ERBB4: variants seen among roughly 807,000 people sequenced by gnomAD.
ERBB4 encodes receptor tyrosine-protein kinase erbB-4.
ERBB4 carries 42 observed loss-of-function variants against 158.0 expected under a neutral mutation model. That is an observed-to-expected ratio of 0.27 (90% CI 0.21 to 0.34). The LOEUF (loss-of-function observed/expected upper bound fraction) is 0.34, where lower values mean the gene tolerates loss of function less well. Ranked by LOEUF, ERBB4 falls within the 10% of genes least tolerant of loss-of-function variation. The pLI is 1.00. For synonymous variants in ERBB4, 583 were observed against 558.7 expected (o/e 1.04, Z -0.61); for missense variants, 1,333 against 1,624.1 (o/e 0.82, Z 3.08).
chr2:211,736,637 G>A (rs1025859288), intron 5 of ERBB4, among the ~76,000 whole-genome samples: 7 of 152,094 alleles, frequency 4.6e-5, no homozygotes, highest in African/African-American at 1.7e-4. Flanking sequence ...GAAGTTTTAG[G>A]ATTCTAGAGG....
intron 20 of ERBB4, among the ~76,000 whole-genome samples, chr2:211,520,992 C>T (rs2066171514): frequency 6.6e-6 from 1 of 152,058 alleles, no homozygotes; most frequent in Admixed American, 6.5e-5. Context: ...CCAATCTTTT[C>T]CCATCTGCTG....
chr2:211,561,404 C>G (rs1286215181), intron 20 of ERBB4, among the ~76,000 whole-genome samples: 1 of 152,216 alleles, frequency 6.6e-6, no homozygotes, highest in East Asian at 1.9e-4. Flanking sequence ...CATGCCTAAG[C>G]CTTTGTGTAA....
At chr2:212,123,202 G>C (rs1195112224) in intron 2 of ERBB4, among the ~76,000 whole-genome samples, 1 of 152,132 alleles carries the variant, frequency 6.6e-6, no homozygotes, top group East Asian at 1.9e-4. Context: ...AGGAGGTTGA[G>C]ACCATCCTGG....
intron 1 of ERBB4, among the ~76,000 whole-genome samples, chr2:212,254,690 T>A (rs1407432547): frequency 6.6e-6 from 1 of 152,146 alleles, no homozygotes; most frequent in Non-Finnish European, 1.5e-5. Context: ...ATGGGAAAAC[T>A]TCCTAACCTG....
intron 14 of ERBB4, among the ~76,000 whole-genome samples, chr2:211,669,681 T>G (rs1425559482): frequency 6.6e-6 from 1 of 152,172 alleles, no homozygotes; most frequent in Non-Finnish European, 1.5e-5. Context: ...TACCGTAAAT[T>G]TCTGTCATTT....
Position 211,992,666 on chromosome 2 carries a change from A to G in ERBB4, c.235-45050T>C, listed in dbSNP as rs548911631. Among the ~76,000 whole-genome samples the G allele has an allele frequency of 4.6e-5, 7 of 152,160 alleles. No homozygotes were observed. The South Asian group carries it at 1.2e-3, about 27-fold the overall frequency. ...GACTAGAATCTGCTCAAGCATTCCT[A>G]TGGACCCAGACTCTCCACTCTTCAG... On this transcript the variant is annotated intron_variant, in intron 2 of 27. Coordinates refer to ENST00000342788, the MANE Select transcript of ERBB4 (RefSeq NM_005235.3).
chr2:212,464,372 T>G (rs1399102723), intron 1 of ERBB4, among the ~76,000 whole-genome samples: 2 of 152,254 alleles, frequency 1.3e-5, no homozygotes, highest in East Asian at 1.9e-4. Flanking sequence ...ATGGTTCCAT[T>G]CCGGTAGAAT....
intron 3 of ERBB4, among the ~76,000 whole-genome samples, chr2:211,844,790 AT>A (rs1476862838): frequency 1.3e-5 from 2 of 152,198 alleles, no homozygotes; most frequent in Non-Finnish European, 2.9e-5. Flanking sequence ...TTTAAATACA[AT>A]CTATTGAAAT....
intron 1 of ERBB4, among the ~76,000 whole-genome samples, chr2:212,411,238 A>AT (rs2091489065): frequency 6.6e-6 from 1 of 152,106 alleles, no homozygotes; most frequent in South Asian, 2.1e-4. Flanking sequence ...TCAAAGTTAC[A>AT]TTTTTCAGTG....
chr2:211,689,729 T>C (rs2072721489), intron 12 of ERBB4, among the ~76,000 whole-genome samples: 1 of 149,742 alleles, frequency 6.7e-6, no homozygotes, highest in Admixed American at 6.8e-5. Context: ...CATTTAGACA[T>C]TTAAAGGTTA....
chr2:212,068,908 G>C (rs2078025244), intron 2 of ERBB4, among the ~76,000 whole-genome samples: 1 of 151,990 alleles, frequency 6.6e-6, no homozygotes, highest in Non-Finnish European at 1.5e-5. Context: ...TTTTATCTAA[G>C]AACGTAAATA....
chr2:212,218,363 T>C (rs1256652545), intron 1 of ERBB4, among the ~76,000 whole-genome samples: 1 of 151,364 alleles, frequency 6.6e-6, no homozygotes, highest in African/African-American at 2.4e-5. Flanking sequence ...AACTCTATTC[T>C]TCAAAGAGTA....
At chr2:211,562,152 G>T in intron 19 of ERBB4, 64 bp from the exon 20 acceptor site, 1 of 1,374,292 alleles carries the variant, frequency 7.3e-7, no homozygotes, top group Non-Finnish European at 1.0e-6. Flanking sequence ...GAGTTACTTG[G>T]ATTGTACTAA....
intron 3 of ERBB4, among the ~76,000 whole-genome samples, chr2:211,840,875 C>CA (rs1271303410): frequency 6.6e-6 from 1 of 152,030 alleles, no homozygotes; most frequent in Non-Finnish European, 1.5e-5. Context: ...ATGGGGTATG[C>CA]AATTTAAACT....
intron 16 of ERBB4, among the ~76,000 whole-genome samples, chr2:211,636,116 TA>T (rs200202771): frequency 0.021 from 3,240 of 151,148 alleles, 113 homozygotes; most frequent in African/African-American, 0.073. Context: ...TGTGTTTTTT[TA>T]AAAAAAAAGT....
intron 1 of ERBB4, among the ~76,000 whole-genome samples, chr2:212,253,062 C>G (rs1014338421): frequency 7.9e-5 from 12 of 152,100 alleles, no homozygotes; most frequent in African/African-American, 2.7e-4. Context: ...TTATATATTA[C>G]ATGCTTCATT....
At chr2:211,414,961 A>G (rs1217443471) in intron 25 of ERBB4, among the ~76,000 whole-genome samples, 8 of 152,086 alleles carry the variant, frequency 5.3e-5, no homozygotes, top group African/African-American at 1.9e-4. Flanking sequence ...AATTTAAATC[A>G]CTTAGCATAG....
chr2:212,309,828 T>A (rs2086959995), intron 1 of ERBB4, among the ~76,000 whole-genome samples: 3 of 150,606 alleles, frequency 2.0e-5, no homozygotes, highest in Admixed American at 1.3e-4. Context: ...GTTGTGTTCT[T>A]ATTAATGACA....
At chr2:211,929,853 C>CATAAATATATAAATATATAAATACAT (rs2080126199) in intron 3 of ERBB4, among the ~76,000 whole-genome samples, 1 of 152,068 alleles carries the variant, frequency 6.6e-6, no homozygotes, top group Admixed American at 6.6e-5. Flanking sequence ...TACACATGTA[C>CATAAATATATAAATATATAAATACAT]ATATAAATAT....
Sources: gnomAD v4.1 joint callset for allele counts (sites outside exome capture counted in the v4.1 genomes callset) on GRCh38, gnomAD v4.1.1 for gene constraint, MANE v1.5 for transcripts, NCBI Gene and HGNC (gene_info 2026-07-23, HGNC 2026-07-21) for gene names.